Variants in CTNNA3 observed in about 807,000 individuals in gnomAD.
CTNNA3 encodes the protein catenin alpha-3.
In CTNNA3, 76 loss-of-function variants were observed where a neutral mutation model predicts 95.7. The ratio of observed to expected loss-of-function variants is 0.79; its 90% CI spans 0.66 to 0.96. CTNNA3 has a LOEUF of 0.96. Among genes scored for constraint, CTNNA3 ranks in the 40% least tolerant of loss-of-function variants. The pLI is 0.00. For synonymous variants in CTNNA3, 431 were observed against 374.4 expected (o/e 1.15, Z -1.74); for missense variants, 1,191 against 1,089.8 (o/e 1.09, Z -1.31).
chr10:66,396,148 T>A (rs975993404), intron 11 of CTNNA3, among the ~76,000 whole-genome samples: 5 of 152,034 alleles, frequency 3.3e-5, no homozygotes, highest in African/African-American at 9.7e-5. Flanking sequence ...TAGTATTCCA[T>A]GCATATACCA....
At chr10:67,111,699 A>C (rs1026350109) in intron 7 of CTNNA3, among the ~76,000 whole-genome samples, 2 of 152,040 alleles carry the variant, frequency 1.3e-5, no homozygotes, top group African/African-American at 4.8e-5. Flanking sequence ...TGGCAAGATA[A>C]AAAGAAATCC....
intron 11 of CTNNA3, among the ~76,000 whole-genome samples, chr10:66,491,746 T>C (rs1839930602): frequency 6.6e-6 from 1 of 152,122 alleles, no homozygotes; most frequent in Non-Finnish European, 1.5e-5. Context: ...CAGGCTAATT[T>C]TGTTATAAAT....
chr10:67,686,487 A>C (rs1009892078), intron 1 of CTNNA3, among the ~76,000 whole-genome samples: 15 of 152,174 alleles, frequency 9.9e-5, no homozygotes, highest in African/African-American at 3.4e-4. Flanking sequence ...TGAGGGCCAC[A>C]CATGTATGCA....
chr10:67,707,939 G>T (rs1035597768), intron 1 of CTNNA3, among the ~76,000 whole-genome samples: 1 of 152,048 alleles, frequency 6.6e-6, no homozygotes, highest in Admixed American at 6.6e-5. Context: ...CTTGCTTGTT[G>T]TCTTTATGTA....
chr10:66,001,570 C>A (rs1230116713), intron 15 of CTNNA3, among the ~76,000 whole-genome samples: 1 of 152,082 alleles, frequency 6.6e-6, no homozygotes, highest in Non-Finnish European at 1.5e-5. Flanking sequence ...AGCTTATTTT[C>A]TCTTAATTAA....
chr10:67,000,329 T>C (rs1398337202), intron 7 of CTNNA3, among the ~76,000 whole-genome samples: 1 of 152,202 alleles, frequency 6.6e-6, no homozygotes, highest in African/African-American at 2.4e-5. Flanking sequence ...GCCCTTACTC[T>C]TGCTGACCCA....
At chr10:66,345,960 C>T (rs1273978767) in intron 12 of CTNNA3, among the ~76,000 whole-genome samples, 1 of 150,606 alleles carries the variant, frequency 6.6e-6, no homozygotes, top group Non-Finnish European at 1.5e-5. Flanking sequence ...ACCTATAGTC[C>T]CAGCTACTGG....
At chr10:66,972,286 A>G (rs1849762992) in intron 7 of CTNNA3, among the ~76,000 whole-genome samples, 1 of 152,102 alleles carries the variant, frequency 6.6e-6, no homozygotes, top group Admixed American at 6.5e-5. Flanking sequence ...ACATGACATA[A>G]TCAGCTCAAA....
At chr10:66,389,833 G>A (rs1324273515) in intron 11 of CTNNA3, among the ~76,000 whole-genome samples, 1 of 151,476 alleles carries the variant, frequency 6.6e-6, no homozygotes, top group Non-Finnish European at 1.5e-5. Flanking sequence ...CAAACTCTTG[G>A]GCCCAAGTGA....
At chr10:67,470,094 C>G (rs939410669) in intron 5 of CTNNA3, among the ~76,000 whole-genome samples, 1 of 152,180 alleles carries the variant, frequency 6.6e-6, no homozygotes, top group African/African-American at 2.4e-5. Context: ...CCCTGCCACC[C>G]TCCTACTATC....
At chr10:66,172,178 C>G (rs985001297) in intron 13 of CTNNA3, among the ~76,000 whole-genome samples, 3 of 151,890 alleles carry the variant, frequency 2.0e-5, no homozygotes, top group Non-Finnish European at 4.4e-5. Context: ...AAGTATATGA[C>G]CAAATGAGAG....
chr10:66,698,037 A>C (rs1382583543), intron 9 of CTNNA3, among the ~76,000 whole-genome samples: 1 of 152,064 alleles, frequency 6.6e-6, no homozygotes, highest in African/African-American at 2.4e-5. Context: ...AAATCTGAAA[A>C]CGGAATATTT....
chr10:67,572,228 A>T (rs866646323), intron 3 of CTNNA3, among the ~76,000 whole-genome samples: 2 of 152,070 alleles, frequency 1.3e-5, no homozygotes, highest in Non-Finnish European at 2.9e-5. Flanking sequence ...AATGCTAATA[A>T]TTTTTAAAAT....
intron 11 of CTNNA3, among the ~76,000 whole-genome samples, chr10:66,508,204 T>C (rs1840523892): frequency 7.2e-6 from 1 of 138,430 alleles, no homozygotes; most frequent in Non-Finnish European, 1.5e-5. Flanking sequence ...TTTTGTTTTG[T>C]TTTCTGTTTT....
chr10:67,738,709 A>T (rs1023361574), intron 1 of CTNNA3, among the ~76,000 whole-genome samples: 7 of 152,136 alleles, frequency 4.6e-5, no homozygotes, highest in African/African-American at 1.7e-4. Flanking sequence ...AATTAGACGA[A>T]TGGCTAACTA....
intron 7 of CTNNA3, among the ~76,000 whole-genome samples, chr10:67,024,016 CA>C (rs1853193451): frequency 6.6e-6 from 1 of 152,212 alleles, no homozygotes. Flanking sequence ...CATATTACCA[CA>C]AATTTAGTGG....
intron 1 of CTNNA3, among the ~76,000 whole-genome samples, chr10:67,658,473 G>T (rs945684197): frequency 3.3e-5 from 5 of 152,070 alleles, no homozygotes; most frequent in African/African-American, 4.8e-5. Flanking sequence ...TTCATTGATT[G>T]TTTTCATAAC....
At chr10:66,732,284 C>CCT (rs531600095) in intron 9 of CTNNA3, among the ~76,000 whole-genome samples, 30 of 152,034 alleles carry the variant, frequency 2.0e-4, no homozygotes, top group Non-Finnish European at 3.5e-4. Flanking sequence ...AAAATCTAGA[C>CCT]CTCTCTCTCT....
intron 10 of CTNNA3, among the ~76,000 whole-genome samples, chr10:66,616,419 C>T (rs1844515809): frequency 6.6e-6 from 1 of 152,076 alleles, no homozygotes; most frequent in Non-Finnish European, 1.5e-5. Context: ...CCCTTCAGAA[C>T]AAGTCATTCA....
Sources: allele counts gnomAD v4.1 joint callset (sites outside exome capture counted in the v4.1 genomes callset), GRCh38; gene constraint gnomAD v4.1.1; transcripts MANE v1.5; gene names NCBI Gene and HGNC (gene_info 2026-07-23, HGNC 2026-07-21).